Variants in DDX10 observed in about 807,000 individuals in gnomAD.
DDX10 encodes the protein probable ATP-dependent RNA helicase DDX10.
DDX10 carries 74 observed loss-of-function variants against 104.3 expected under a neutral mutation model. That is an observed-to-expected ratio of 0.71 (90% CI 0.59 to 0.86). DDX10 has a LOEUF of 0.86. Ranked by LOEUF, DDX10 falls within the 40% of genes least tolerant of loss-of-function variation. The probability of loss-of-function intolerance (pLI) is 0.00; values close to 1 mark genes in which losing one functional copy is unlikely to be tolerated. For missense variants in DDX10, 952 were observed against 1,040.0 expected (o/e 0.92, Z 1.16); for synonymous variants, 351 against 353.4 (o/e 0.99, Z 0.08).
chr11:108,809,168 C>T (rs765058719), intron 13 of DDX10, among the ~76,000 whole-genome samples: 10 of 152,208 alleles, frequency 6.6e-5, no homozygotes, highest in Non-Finnish European at 1.2e-4. Context: ...TTCAATTGTC[C>T]AAGCATTCAC....
chr11:108,806,974 G>A (rs564744872), intron 13 of DDX10, among the ~76,000 whole-genome samples: 2 of 152,314 alleles, frequency 1.3e-5, no homozygotes, highest in African/African-American at 4.8e-5. Context: ...AGCCATTGAA[G>A]GATTCTGAAC....
At chr11:108,899,567 T>C (rs1316698512) in intron 16 of DDX10, among the ~76,000 whole-genome samples, 1 of 151,976 alleles carries the variant, frequency 6.6e-6, no homozygotes, top group African/African-American at 2.4e-5. Flanking sequence ...TTTCATATGA[T>C]AGTTGGTACC....
intron 9 of DDX10, among the ~76,000 whole-genome samples, chr11:108,696,535 G>C (rs1420083208): frequency 1.3e-5 from 2 of 151,986 alleles, no homozygotes; most frequent in Non-Finnish European, 2.9e-5. Context: ...AGTGGTGGTT[G>C]GTGGAATGAC....
intron 13 of DDX10, among the ~76,000 whole-genome samples, chr11:108,816,788 A>G (rs890569180): frequency 6.6e-6 from 1 of 152,130 alleles, no homozygotes; most frequent in Admixed American, 6.6e-5. Context: ...TCCTGACCTC[A>G]GGTGATCCGC....
intron 16 of DDX10, among the ~76,000 whole-genome samples, chr11:108,884,926 A>G (rs972700965): frequency 2.6e-5 from 4 of 152,142 alleles, no homozygotes; most frequent in African/African-American, 9.7e-5. Context: ...CATTAAACAT[A>G]TTTATAATAT....
chr11:108,933,658 A>G (rs995169734), intron 17 of DDX10, among the ~76,000 whole-genome samples: 1 of 152,130 alleles, frequency 6.6e-6, no homozygotes, highest in African/African-American at 2.4e-5. Context: ...TTAGTGTTTT[A>G]ATTTTCACTG....
chr11:108,714,282 C>G (rs2134468040), intron 10 of DDX10, among the ~76,000 whole-genome samples: 1 of 152,290 alleles, frequency 6.6e-6, no homozygotes, highest in South Asian at 2.1e-4. Context: ...GGGTCTCTCA[C>G]CCAGGCACTG....
intron 13 of DDX10, among the ~76,000 whole-genome samples, chr11:108,751,328 A>T (rs570565282): frequency 6.6e-6 from 1 of 152,244 alleles, no homozygotes; most frequent in Admixed American, 6.5e-5. Flanking sequence ...AAGAATCACA[A>T]TAAGTTATAA....
chr11:108,666,763 C>G (rs1337198318), intron 1 of DDX10, among the ~76,000 whole-genome samples: 1 of 152,186 alleles, frequency 6.6e-6, no homozygotes, highest in Non-Finnish European at 1.5e-5. Context: ...CGTTTAGGGC[C>G]TACACAGATA....
At chr11:108,698,830 C>T (rs1203195772) in intron 9 of DDX10, among the ~76,000 whole-genome samples, 1 of 152,326 alleles carries the variant, frequency 6.6e-6, no homozygotes, top group East Asian at 1.9e-4. Flanking sequence ...AGTATTCTCC[C>T]CTTGTTCTCT....
At chr11:108,790,568 A>C (rs2615721) in intron 13 of DDX10, among the ~76,000 whole-genome samples, 135,470 of 152,178 alleles carry the variant, frequency 0.89, 60,567 homozygotes, top group East Asian at 0.99. Context: ...ATTCTCCCTT[A>C]ACTAACATGT....
intron 15 of DDX10, among the ~76,000 whole-genome samples, chr11:108,846,813 G>A (rs1012447406): frequency 8.7e-6 from 1 of 115,190 alleles, no homozygotes; most frequent in Non-Finnish European, 1.8e-5. Flanking sequence ...AACTGGTTTA[G>A]AGTACAAACC....
intron 13 of DDX10, among the ~76,000 whole-genome samples, chr11:108,822,098 A>C (rs1862332547): frequency 6.6e-6 from 1 of 152,246 alleles, no homozygotes; most frequent in Non-Finnish European, 1.5e-5. Flanking sequence ...TATCTTTAGA[A>C]GGAGTAAACA....
At chr11:108,743,986 A>C (rs2134498223) in intron 13 of DDX10, among the ~76,000 whole-genome samples, 1 of 152,302 alleles carries the variant, frequency 6.6e-6, no homozygotes, top group African/African-American at 2.4e-5. Context: ...TTTTAACCAG[A>C]AATGAAAGTA....
intron 13 of DDX10, among the ~76,000 whole-genome samples, chr11:108,731,539 G>C (rs2134485278): frequency 6.8e-6 from 1 of 146,932 alleles, no homozygotes; most frequent in Admixed American, 6.8e-5. Context: ...TTGAGACAGA[G>C]TCTCTCTCTG....
chr11:108,940,496 A>AT lies in DDX10; in HGVS notation c.*76dup. ...TAGGCAAGAAGTTGAAAAACAGTTGATTTGGGGGCACTTAGGTACCATATG... is the reference window on the plus strand; with the variant it reads ...TAGGCAAGAAGTTGAAAAACAGTTGATTTTGGGGGCACTTAGGTACCATATG... On this transcript the variant is annotated 3_prime_UTR_variant, in exon 18 of 18. Transcript: ENST00000322536. 6.6e-7 allele frequency: 1 copy of AT among 1,520,184 alleles called. No homozygotes were observed. Among genetic ancestry groups the AT allele is most frequent in the South Asian group, 1.3e-5 (1 of 79,644 alleles). The allele number at this position is 1,520,184 out of a possible 1,614,324, so 94.2% of individuals were successfully genotyped here.
At chr11:108,693,907 C>T (rs547790900) in intron 9 of DDX10, among the ~76,000 whole-genome samples, 8 of 152,278 alleles carry the variant, frequency 5.3e-5, no homozygotes, top group Middle Eastern at 3.4e-3. Context: ...TGCAGTAGTC[C>T]TCACTTATCC....
intron 13 of DDX10, among the ~76,000 whole-genome samples, chr11:108,811,456 T>C (rs1319659915): frequency 6.6e-6 from 1 of 152,206 alleles, no homozygotes; most frequent in Non-Finnish European, 1.5e-5. Flanking sequence ...TCTCTGAACT[T>C]TCTGTCATCT....
chr11:108,851,449 T>C (rs992501780), intron 15 of DDX10, among the ~76,000 whole-genome samples: 4 of 152,170 alleles, frequency 2.6e-5, no homozygotes. Context: ...AACTTATTTT[T>C]CCCCAAAAGT....
Sources: gnomAD v4.1 joint callset for allele counts (sites outside exome capture counted in the v4.1 genomes callset) on GRCh38, gnomAD v4.1.1 for gene constraint, MANE v1.5 for transcripts, NCBI Gene and HGNC (gene_info 2026-07-23, HGNC 2026-07-21) for gene names.